WASF2: variants seen among roughly 807,000 people sequenced by gnomAD.
WASF2 encodes WASP family member 2.
In WASF2, 14 loss-of-function variants were observed where a neutral mutation model predicts 45.0. The observed-to-expected ratio is 0.31, with a 90% CI of 0.21 to 0.49. WASF2 has a LOEUF of 0.49. Ranked by LOEUF, WASF2 falls within the 20% of genes least tolerant of loss-of-function variation. The pLI is 0.99. For missense variants in WASF2, 439 were observed against 636.1 expected (o/e 0.69, Z 3.33); for synonymous variants, 200 against 236.3 (o/e 0.85, Z 1.41).
At chr1:27,422,035 G>A (rs914202730) in intron 2 of WASF2, among the ~76,000 whole-genome samples, 1 of 151,274 alleles carries the variant, frequency 6.6e-6, no homozygotes, top group African/African-American at 2.4e-5. Context: ...CTATTCTGGA[G>A]GGGGAAAAAA....
At chr1:27,465,807 A>C (rs1379462413) in intron 1 of WASF2, among the ~76,000 whole-genome samples, 3 of 152,186 alleles carry the variant, frequency 2.0e-5, no homozygotes, top group Non-Finnish European at 4.4e-5. Flanking sequence ...ACAATATCGC[A>C]ATAAGAGGAT....
Position 27,405,935 on chromosome 1 carries a change from G to A in WASF2, c.*2254C>T, listed in dbSNP as rs1415503106. On this transcript the variant is annotated 3_prime_UTR_variant, in exon 9 of 9. Transcript: ENST00000618852. Reference sequence around the variant, plus strand: ...TCCTCCTGCCCCCAGCCCTTTCCACGATGGACTCAGTCCATTCCAGAAGCC... The same window carrying A: ...TCCTCCTGCCCCCAGCCCTTTCCACAATGGACTCAGTCCATTCCAGAAGCC... The A allele has an allele frequency of 2.6e-5, 4 of 152,430 alleles. No homozygotes were observed. The highest frequency in any genetic ancestry group is 2.0e-4 in the Admixed American group (3 of 15,286). The allele number at this position is 152,430 out of a possible 1,614,324, so 9.4% of individuals were successfully genotyped here.
chr1:27,483,017 A>G (rs898933467), intron 1 of WASF2, among the ~76,000 whole-genome samples: 21 of 152,212 alleles, frequency 1.4e-4, no homozygotes, highest in Admixed American at 5.2e-4. Flanking sequence ...GAAGAGGAGC[A>G]CACAAGAATG....
chr1:27,443,738 C>T (rs560996922), intron 1 of WASF2, among the ~76,000 whole-genome samples: 7 of 152,116 alleles, frequency 4.6e-5, no homozygotes, highest in South Asian at 4.1e-4. Flanking sequence ...GAGCCTCATC[C>T]ATAAAATAGG....
rs1276132827 is a variant in WASF2, at chr1:27,405,459, G to GC, written c.*2729dup. 6.6e-6 allele frequency: 1 copy of GC among 152,182 alleles called. No homozygotes were observed. The highest frequency in any genetic ancestry group is 1.5e-5 in the Non-Finnish European group (1 of 68,038). The allele number at this position is 152,182 out of a possible 1,614,324, so 9.4% of individuals were successfully genotyped here. ...CTTCGGCGCTTAGGAGTCCTTATGG[G>GC]CCATTGTTCCATACTCTCACTAGCT... On this transcript the variant is annotated 3_prime_UTR_variant, in exon 9 of 9. Coordinates refer to ENST00000618852, the MANE Select transcript of WASF2 (RefSeq NM_006990.5).
intron 4 of WASF2, among the ~76,000 whole-genome samples, chr1:27,417,827 C>T (rs777080497): frequency 2.0e-5 from 3 of 152,210 alleles, no homozygotes; most frequent in Non-Finnish European, 4.4e-5. Context: ...GGCCAAGAGG[C>T]TGGCCCCACT....
chr1:27,444,388 T>C (rs2017285746), intron 1 of WASF2, among the ~76,000 whole-genome samples: 1 of 152,154 alleles, frequency 6.6e-6, no homozygotes, highest in Non-Finnish European at 1.5e-5. Flanking sequence ...CCTAGGATAG[T>C]TCTAAGAATA....
intron 1 of WASF2, among the ~76,000 whole-genome samples, chr1:27,466,141 G>A (rs2017608603): frequency 1.3e-5 from 2 of 152,150 alleles, no homozygotes; most frequent in South Asian, 4.1e-4. Context: ...AAAGAATAAA[G>A]GGAATGAATT....
At chr1:27,430,762 C>T (rs762434616) in intron 1 of WASF2, among the ~76,000 whole-genome samples, 11 of 151,266 alleles carry the variant, frequency 7.3e-5, no homozygotes, top group African/African-American at 2.4e-4. Flanking sequence ...CTTAGCTTTC[C>T]GAATAGCTGG....
At chr1:27,443,694 C>A (rs2017275497) in intron 1 of WASF2, among the ~76,000 whole-genome samples, 1 of 152,152 alleles carries the variant, frequency 6.6e-6, no homozygotes, top group South Asian at 2.1e-4. Flanking sequence ...TCTTGAGCCA[C>A]TAGCTATATG....
At chr1:27,450,160 A>C (rs952925550) in intron 1 of WASF2, among the ~76,000 whole-genome samples, 6 of 138,256 alleles carry the variant, frequency 4.3e-5, no homozygotes, top group African/African-American at 1.6e-4. Flanking sequence ...AGAAAAAAAA[A>C]ATTAGAGACC....
intron 1 of WASF2, among the ~76,000 whole-genome samples, chr1:27,482,883 T>G (rs1375450663): frequency 6.6e-6 from 1 of 152,082 alleles, no homozygotes; most frequent in African/African-American, 2.4e-5. Flanking sequence ...CAGGGAGAAA[T>G]CTATCCCCCC....
At chr1:27,457,816 A>G (rs1161833590) in intron 1 of WASF2, among the ~76,000 whole-genome samples, 2 of 151,910 alleles carry the variant, frequency 1.3e-5, no homozygotes, top group Non-Finnish European at 2.9e-5. Flanking sequence ...GAAATTAGGT[A>G]TCACTATTTT....
rs946455307 is a variant in WASF2 at position 27,404,564 on chromosome 1, A to AC, written c.*3624dup. 1.3e-5 allele frequency: 2 copies of AC among 151,550 alleles called. No individual in the cohort carries two copies. Among genetic ancestry groups the AC allele is most frequent in the African/African-American group, 2.4e-5 (1 of 41,182 alleles). 9.4% of individuals were successfully genotyped at this position (151,550 alleles called of 1,614,324 possible). ...CAAACGGCATCCCTACTACACATAT[A>AC]CCCCCCTTCCCTAAAATCTTGATGT... On this transcript the variant is annotated 3_prime_UTR_variant, in exon 9 of 9. Transcript: ENST00000618852.
rs371077805 is a variant in WASF2 at position 27,489,453 on chromosome 1, TACACACACACAC to T, written c.-44+521_-44+532del. ...AGCACCTCAATTACTTCATGGTACG[TACACACACACAC>T]ACACACACACACACACAGTGTCCTC... On this transcript the variant is annotated intron_variant, in intron 1 of 8. Transcript: ENST00000618852. Among the ~76,000 whole-genome samples, 9 of 17,408 alleles carry T rather than the reference TACACACACACAC, an allele frequency of 5.2e-4. 1 individual carries two copies. The South Asian group carries it at 0.014, about 28-fold the overall frequency. The allele number at this position is 17,408 out of a possible 152,430, so 11.4% of individuals were successfully genotyped here.
chr1:27,455,694 C>A (rs188768839), intron 1 of WASF2, among the ~76,000 whole-genome samples: 18 of 152,288 alleles, frequency 1.2e-4, no homozygotes, highest in Admixed American at 2.6e-4. Context: ...GGATTACTTA[C>A]CTTTTTGTTT....
At chr1:27,418,185 G>C in intron 4 of WASF2, 84 bp downstream of exon 4, 1 of 1,461,744 alleles carries the variant, frequency 6.8e-7, no homozygotes, top group Non-Finnish European at 9.2e-7. Context: ...ACAATCCTCT[G>C]ATGGAAACAA....
chr1:27,435,432 A>T (rs2017124047), intron 1 of WASF2, among the ~76,000 whole-genome samples: 1 of 152,044 alleles, frequency 6.6e-6, no homozygotes, highest in Non-Finnish European at 1.5e-5. Flanking sequence ...AAAAAATTTT[A>T]AAAATTAGCT....
At chr1:27,468,624 A>C in intron 1 of WASF2, among the ~76,000 whole-genome samples, 1 of 151,684 alleles carries the variant, frequency 6.6e-6, no homozygotes, top group South Asian at 2.1e-4. Context: ...CTGGGCGACA[A>C]GAGCGAAACT....
Sources: gnomAD v4.1 joint callset for allele counts (sites outside exome capture counted in the v4.1 genomes callset) on GRCh38, gnomAD v4.1.1 for gene constraint, MANE v1.5 for transcripts, NCBI Gene and HGNC (gene_info 2026-07-23, HGNC 2026-07-21) for gene names.